The following MSH6 variants were observed in gnomAD, a reference collection of about 807,000 sequenced individuals.
MSH6 encodes mutS homolog 6, also known as DNA mismatch repair protein Msh6.
Under a neutral mutation model 119.1 loss-of-function variants are expected in MSH6, and 85 were observed. That is an observed-to-expected ratio of 0.71 (90% CI 0.60 to 0.85). The LOEUF (loss-of-function observed/expected upper bound fraction) is 0.85, where lower values mean the gene tolerates loss of function less well. Ranked by LOEUF, MSH6 falls within the 40% of genes least tolerant of loss-of-function variation. The pLI, the probability that MSH6 is intolerant of heterozygous loss-of-function variation, is 0.00. For synonymous variants in MSH6, 830 were observed against 586.9 expected (o/e 1.41, Z -5.99); for missense variants, 2,163 against 1,655.3 (o/e 1.31, Z -5.32).
intron 1 of MSH6, among the ~76,000 whole-genome samples, chr2:47,785,388 C>T (rs1041224827): frequency 6.6e-6 from 1 of 150,524 alleles, no homozygotes; most frequent in African/African-American, 2.4e-5. Context: ...CACCGCGGTC[C>T]GGCTGATTTT....
intron 9 of MSH6, 64 bp downstream of exon 9, chr2:47,806,715 G>GGGGAA: frequency 6.3e-7 from 1 of 1,576,742 alleles, no homozygotes; most frequent in South Asian, 1.1e-5. Flanking sequence ...AACAGTAAAA[G>GGGGAA]GGGAAGGGAT....
intron 2 of MSH6, among the ~76,000 whole-genome samples, 181 bp from the exon 3 acceptor site, chr2:47,795,713 C>T (rs146979181): frequency 4.2e-4 from 64 of 151,734 alleles, no homozygotes; most frequent in African/African-American, 1.3e-3. Flanking sequence ...TCAAGTAGTC[C>T]GCCCACCTAA....
At position 47,799,468 on chromosome 2, in the gene MSH6, A is replaced by C. The variant is rs1572723164; in HGVS notation, c.1485A>C (p.Arg495=). The change falls in exon 4 of 10, where the codon CGA becomes CGC. Residue 495 remains arginine, a synonymous_variant. Transcript: ENST00000234420. The stretch of plus-strand genomic sequence containing the variant: ...AGACTCCAGAAATGATGGAGGCACG[A>C]TGTAGAAAGATGGCACATATATCCA... ...QTETPEMMEA[R]CRKMAHISKY... The C allele has an allele frequency of 6.2e-7, 1 of 1,614,068 alleles. No individual in the cohort carries two copies. The highest frequency in any genetic ancestry group is 8.5e-7 in the Non-Finnish European group (1 of 1,180,030).
intron 1 of MSH6, among the ~76,000 whole-genome samples, chr2:47,787,862 C>A (rs997767698): frequency 6.6e-6 from 1 of 152,102 alleles, no homozygotes; most frequent in Admixed American, 6.6e-5. Context: ...CTTAAGAGAT[C>A]CTCCCAAAGT....
chr2:47,808,981 G>A (rs1428650177), downstream of MSH6: 9 of 491,566 alleles, frequency 1.8e-5, no homozygotes, highest in Non-Finnish European at 3.2e-5. Context: ...ACAGGCATAA[G>A]CCACCACGCC....
At chr2:47,801,336 TTAG>T (rs1179170737) in intron 4 of MSH6, 181 bp downstream of exon 4, 5 of 495,708 alleles carry the variant, frequency 1.0e-5, no homozygotes, top group African/African-American at 5.9e-5. Flanking sequence ...CGCTTTTATC[TTAG>T]TAGCCCTTTG....
intron 1 of MSH6, among the ~76,000 whole-genome samples, chr2:47,786,035 A>C (rs1040139483): frequency 6.6e-6 from 1 of 152,132 alleles, no homozygotes; most frequent in Admixed American, 6.6e-5. Flanking sequence ...AACCATGAAC[A>C]GGACAAAGCA....
At chr2:47,804,093 C>T (rs1482759980) in intron 5 of MSH6, among the ~76,000 whole-genome samples, 2 of 151,908 alleles carry the variant, frequency 1.3e-5, no homozygotes, top group East Asian at 3.9e-4. Flanking sequence ...TGACCTCTAG[C>T]AACTGTTGAA....
At chr2:47,785,449 C>T (rs772946647) in intron 1 of MSH6, among the ~76,000 whole-genome samples, 1 of 151,282 alleles carries the variant, frequency 6.6e-6, no homozygotes, top group Non-Finnish European at 1.5e-5. Flanking sequence ...AACTGCTGAC[C>T]TCAAGTGGTC....
rs761162725 is a variant in MSH6 at position 47,806,664 on chromosome 2, C to T, written c.4001+13C>T. 2.5e-6 allele frequency: 4 copies of T among 1,600,494 alleles called. No homozygotes were observed. Among genetic ancestry groups the T allele is most frequent in the East Asian group, 4.5e-5 (2 of 44,722 alleles). On this transcript the variant is annotated intron_variant, in intron 9 of 9. Coordinates refer to ENST00000234420, the MANE Select transcript of MSH6 (RefSeq NM_000179.3). Reference sequence around the variant, plus strand: ...TACGATTATTTCGGTAACTAACTAACTATAATGGAATTATAACTAACTGAC... The same window carrying T: ...TACGATTATTTCGGTAACTAACTAATTATAATGGAATTATAACTAACTGAC...
At chr2:47,801,697 A>G (rs1462236055) in intron 4 of MSH6, among the ~76,000 whole-genome samples, 1 of 151,536 alleles carries the variant, frequency 6.6e-6, no homozygotes, top group Non-Finnish European at 1.5e-5. Context: ...AATCGAACAA[A>G]AGGTTTTTGT....
rs187984197 is a variant in MSH6 at position 47,804,843 on chromosome 2, A to G, written c.3439-67A>G. On this transcript the variant is annotated intron_variant, in intron 5 of 9. Coordinates refer to ENST00000234420, the MANE Select transcript of MSH6 (RefSeq NM_000179.3). Reference sequence around the variant, plus strand: ...CCTAGCTCTTACGTAAGGGTTCATAAGAAAGACAAAAGTTTATGAAACTGT... The same window carrying G: ...CCTAGCTCTTACGTAAGGGTTCATAGGAAAGACAAAAGTTTATGAAACTGT... 353 of 1,252,246 alleles carry G rather than the reference A, an allele frequency of 2.8e-4. No individual in the cohort carries two copies. In the African/African-American group the frequency reaches 4.1e-3, roughly 15 times the overall value. 77.6% of individuals were successfully genotyped at this position (1,252,246 alleles called of 1,614,324 possible).
At chr2:47,789,973 TCATAC>T (rs1396236668) in intron 1 of MSH6, among the ~76,000 whole-genome samples, 1 of 152,034 alleles carries the variant, frequency 6.6e-6, no homozygotes, top group African/African-American at 2.4e-5. Context: ...GTGTGAGCCA[TCATAC>T]CTGGTCACTG....
chr2:47,799,027 C>T lies in MSH6; in HGVS notation c.1044C>T (p.Ser348=), dbSNP rs587779202. 6.2e-7 allele frequency: 1 copy of T among 1,614,154 alleles called. No homozygotes were observed. Among genetic ancestry groups the T allele is most frequent in the Non-Finnish European group, 8.5e-7 (1 of 1,180,026 alleles). Residue 348 remains serine, a synonymous_variant, in exon 4 of 10, where the codon TCC becomes TCT. Coordinates refer to ENST00000234420, the MANE Select transcript of MSH6 (RefSeq NM_000179.3). ...TCTCTGCCCCTCAAAATTCTGAATC[C>T]CAAGCCCACGTTAGTGGAGGTGGTG... ...RAFSAPQNSE[S]QAHVSGGGDD...
At chr2:47,795,620 C>T (rs1558656171) in intron 2 of MSH6, among the ~76,000 whole-genome samples, 1 of 151,892 alleles carries the variant, frequency 6.6e-6, no homozygotes, top group Non-Finnish European at 1.5e-5. Flanking sequence ...CGCACACCAC[C>T]ACCCTTGGCT....
rs1558652394 is a variant in MSH6, at chr2:47,791,173, TGTGA to T, written c.457+52_457+55del. The T allele has an allele frequency of 1.3e-6, 2 of 1,528,920 alleles. No individual in the cohort carries two copies. The highest frequency in any genetic ancestry group is 1.7e-5 in the Admixed American group (1 of 59,594). 94.7% of individuals were successfully genotyped at this position (1,528,920 alleles called of 1,614,324 possible). A position where few individuals can be genotyped will look rare whatever the true frequency, so the allele number is the denominator to read the frequency against. ...GTGTGTTTGTGTGTGTGTGTGTGTG[TGTGA>T]GAGAAACAGACAGACAGGCAGACTT... On this transcript the variant is annotated intron_variant, in intron 2 of 9. Transcript: ENST00000234420.
intron 1 of MSH6, among the ~76,000 whole-genome samples, chr2:47,788,744 A>AT (rs754222286): frequency 7.5e-5 from 11 of 146,244 alleles, no homozygotes; most frequent in African/African-American, 1.5e-4. Context: ...TAATTTTTGT[A>AT]TTTTTTTAGT....
chr2:47,805,210 C>G (rs1282282665), intron 6 of MSH6, among the ~76,000 whole-genome samples, 183 bp downstream of exon 6: 1 of 147,560 alleles, frequency 6.8e-6, no homozygotes, highest in Non-Finnish European at 1.5e-5. Context: ...GATGGAGTTT[C>G]CCTCTTGTTG....
Position 47,783,189 on chromosome 2 carries a change from A to G in MSH6, c.-45A>G, listed in dbSNP as rs1057520317. 6.2e-6 allele frequency: 10 copies of G among 1,607,516 alleles called. No homozygotes were observed. Among genetic ancestry groups the G allele is most frequent in the South Asian group, 1.1e-5 (1 of 90,308 alleles). ...GCCGCGCGGTAGATGCGGTGCTTTT[A>G]GGAGCTCCGTCCGACAGAACGGTTG... On this transcript the variant is annotated 5_prime_UTR_variant, in exon 1 of 10. An upstream open reading frame in the 5' UTR loses its in-frame stop. Transcript: ENST00000234420.
Sources: allele counts gnomAD v4.1 joint callset (sites outside exome capture counted in the v4.1 genomes callset), GRCh38; gene constraint gnomAD v4.1.1; transcripts MANE v1.5; gene names NCBI Gene and HGNC (gene_info 2026-07-23, HGNC 2026-07-21).